The following OXGR1 variants were observed in gnomAD, a reference collection of about 807,000 sequenced individuals.
OXGR1 encodes 2-oxoglutarate receptor 1.
In OXGR1, 10 loss-of-function variants were observed where a neutral mutation model predicts 10.0. That is an observed-to-expected ratio of 1.00 (90% CI 0.62 to 1.70). The LOEUF (loss-of-function observed/expected upper bound fraction) is 1.70. Among genes scored for constraint, OXGR1 ranks in the 40% most tolerant of loss-of-function variants. The pLI, the probability that OXGR1 is intolerant of heterozygous loss-of-function variation, is 0.00. For missense variants in OXGR1, 398 were observed against 407.6 expected (o/e 0.98, Z 0.20); for synonymous variants, 191 against 155.9 (o/e 1.22, Z -1.68).
At chr13:96,990,495 A>G (rs1881994688) in intron 2 of OXGR1, among the ~76,000 whole-genome samples, 1 of 152,182 alleles carries the variant, frequency 6.6e-6, no homozygotes. Context: ...TTGAAAGAAA[A>G]ACACAAGTCA....
intron 3 of OXGR1, among the ~76,000 whole-genome samples, chr13:96,988,830 G>A (rs1427801056): frequency 6.6e-6 from 1 of 152,148 alleles, no homozygotes. Context: ...AGTACATCTA[G>A]AAGAAGAGTT....
chr13:96,993,419 A>C (rs1326890043), intron 1 of OXGR1, among the ~76,000 whole-genome samples: 3 of 151,942 alleles, frequency 2.0e-5, no homozygotes, highest in Non-Finnish European at 4.4e-5. Flanking sequence ...GGGTTTCACC[A>C]GCCTGTTGGC....
At chr13:96,988,382 C>T (rs1881889360) in intron 3 of OXGR1, among the ~76,000 whole-genome samples, 1 of 152,200 alleles carries the variant, frequency 6.6e-6, no homozygotes, top group South Asian at 2.1e-4. Context: ...CTCAGTGCTG[C>T]CTCTCAATCT....
chr13:96,990,449 G>A (rs957550331), intron 2 of OXGR1, among the ~76,000 whole-genome samples: 1 of 152,132 alleles, frequency 6.6e-6, no homozygotes, highest in Non-Finnish European at 1.5e-5. Flanking sequence ...GAGAAGGGGA[G>A]GGAATTCAAG....
chr13:96,988,794 T>G (rs2138895107), intron 3 of OXGR1, among the ~76,000 whole-genome samples: 1 of 152,336 alleles, frequency 6.6e-6, no homozygotes, highest in Non-Finnish European at 1.5e-5. Context: ...TTAAAAATTT[T>G]GACGGTGAAT....
chr13:96,986,658 G>C lies in OXGR1; in HGVS notation c.*88C>G. 1 of 1,355,462 alleles carries C rather than the reference G, an allele frequency of 7.4e-7. No individual in the cohort carries two copies. Among genetic ancestry groups the C allele is most frequent in the Non-Finnish European group, 1.0e-6 (1 of 997,084 alleles). 84.0% of individuals were successfully genotyped at this position (1,355,462 alleles called of 1,614,324 possible). ...CTTGAATACACAGTATTTACCAGGAGTTCCATTGAGGGAGACATCCTGAAC... is the reference window on the plus strand; with the variant it reads ...CTTGAATACACAGTATTTACCAGGACTTCCATTGAGGGAGACATCCTGAAC... On this transcript the variant is annotated 3_prime_UTR_variant, in exon 4 of 4. Transcript: ENST00000541038.
At chr13:96,990,375 A>G (rs1402292930) in intron 2 of OXGR1, among the ~76,000 whole-genome samples, 1 of 152,172 alleles carries the variant, frequency 6.6e-6, no homozygotes, top group Non-Finnish European at 1.5e-5. Flanking sequence ...AGTAACGCCC[A>G]AAATAATTCT....
Position 96,987,629 on chromosome 13 carries a change from A to G in OXGR1, c.131T>C (p.Phe44Ser). The change falls in exon 4 of 4, where the codon TTC becomes TCC. Residue 44 changes from phenylalanine (F) to serine (S), a missense_variant. By Grantham distance (155) the Phe-to-Ser change is radical (BLOSUM62 -2). Transcript: ENST00000541038. ...TGCATTGCCTGGAAATCCCACGAGG[A>G]AGATAATGCCATAAATAACAGGGAG... Reference protein sequence around the residue: ...HYLPVIYGIIFLVGFPGNAVV... With the variant: ...HYLPVIYGIISLVGFPGNAVV... 2 of 1,614,188 alleles carry G rather than the reference A, an allele frequency of 1.2e-6. No individual in the cohort carries two copies. Among genetic ancestry groups the G allele is most frequent in the Non-Finnish European group, 1.7e-6 (2 of 1,180,018 alleles).
At position 96,986,767 on chromosome 13, in the gene OXGR1, A is replaced by G. The variant is rs9584456; in HGVS notation, c.993T>C (p.Ile331=). Residue 331 remains isoleucine (I), a synonymous_variant, in exon 4 of 4, where the codon ATT becomes ATC. Transcript: ENST00000541038. ...TATTTCAAGGGTTGTTTGAGTAACT[A>G]ATTTTCTTTGCTTGCTCAAGGTTCC... ...VSGNLEQAKK[I]SYSNNP is the part of the protein sequence containing the mutation. 0.019 allele frequency: 30,761 copies of G among 1,607,490 alleles called. 1,430 individuals carry two copies. The highest frequency in any genetic ancestry group is 0.18 in the African/African-American group (13,596 of 74,662).
rs1284747528 is a variant in OXGR1 at position 96,990,708 on chromosome 13, C to A, written c.-126-899G>T. On this transcript the variant is annotated intron_variant, in intron 2 of 3. Coordinates refer to ENST00000541038, the MANE Select transcript of OXGR1 (RefSeq NM_001346194.2). ...CCTGTAACCTCAGCACTTTGGGAGG[C>A]TGAGGCAGGCGGATCGCCCAAGGTC... Among the ~76,000 whole-genome samples the A allele has an allele frequency of 2.6e-5, 4 of 152,122 alleles. No homozygotes were observed. In the East Asian group the frequency reaches 7.7e-4, roughly 29 times the overall value.
chr13:96,990,994 A>G (rs1882029086), intron 2 of OXGR1, among the ~76,000 whole-genome samples: 1 of 150,068 alleles, frequency 6.7e-6, no homozygotes, highest in African/African-American at 2.4e-5. Context: ...CTTTTAAAGT[A>G]GGAAGCAAAA....
chr13:96,987,451 A>G lies in OXGR1; in HGVS notation c.309T>C (p.Asp103=), dbSNP rs760230945. The G allele has an allele frequency of 6.2e-6, 10 of 1,614,132 alleles. No individual in the cohort carries two copies. The highest frequency in any genetic ancestry group is 5.0e-5 in the Admixed American group (3 of 60,018). The part of the protein sequence containing the change: ...YASGENWIFG[D]FMCKFIRFSF... ...TGAAGCGGATAAACTTACACATGAA[A>G]TCTCCAAAGATCCAGTTTTCGCCAC... The change falls in exon 4 of 4, where the codon GAT becomes GAC. Residue 103 remains aspartate (D), a synonymous_variant. Transcript: ENST00000541038.
rs574554666 is a variant in OXGR1, at chr13:96,987,386, G to A, written c.374C>T (p.Thr125Ile). 8 of 1,614,210 alleles carry A rather than the reference G, an allele frequency of 5.0e-6. 1 individual carries two copies. In the South Asian group the frequency reaches 7.7e-5, roughly 16 times the overall value. Residue 125 changes from threonine to isoleucine, a missense_variant, in exon 4 of 4, where the codon ACC (threonine) becomes ATC (isoleucine). Coordinates refer to ENST00000541038, the MANE Select transcript of OXGR1 (RefSeq NM_001346194.2). ...ACAGTAGCGGAAGATGCTGAAACAG[G>A]TGAGGAAGAGGATGCTGCTATACAG... Reference protein sequence around the residue: ...FNLYSSILFLTCFSIFRYCVI... With the variant: ...FNLYSSILFLICFSIFRYCVI...
intron 3 of OXGR1, among the ~76,000 whole-genome samples, chr13:96,988,409 CG>C (rs1334737008): frequency 6.6e-6 from 1 of 152,070 alleles, no homozygotes; most frequent in African/African-American, 2.4e-5. Flanking sequence ...TGTTGATTTT[CG>C]TCATGATTGC....
Position 96,987,169 on chromosome 13 carries a change from C to A in OXGR1, c.591G>T (p.Trp197Cys), listed in dbSNP as rs1881795893. The A allele has an allele frequency of 6.2e-7, 1 of 1,614,098 alleles. No homozygotes were observed. The highest frequency in any genetic ancestry group is 1.3e-5 in the African/African-American group (1 of 75,030). Residue 197 changes from tryptophan to cysteine, a missense_variant, in exon 4 of 4, where the codon TGG (tryptophan) becomes TGT (cysteine). Transcript: ENST00000541038. ...TAGTTGCAGTCAAAATCAGGTTGTA[C>A]CACTTAATAGTATTGAGTTCATCCG... ...TSSDELNTIK[W>C]YNLILTATTF... is the part of the protein sequence containing the mutation.
At chr13:96,991,244 C>A (rs887901929) in intron 2 of OXGR1, among the ~76,000 whole-genome samples, 1 of 152,156 alleles carries the variant, frequency 6.6e-6, no homozygotes, top group Non-Finnish European at 1.5e-5. Context: ...TTACAAAATA[C>A]GTGTGATGTT....
rs771370436 is a variant in OXGR1 at position 96,987,753 on chromosome 13, C to T, written c.7G>A (p.Glu3Lys). The change falls in exon 4 of 4, where the codon GAG becomes AAG. Residue 3 changes from glutamate to lysine, a missense_variant. Physicochemically the swap from Glu to Lys is moderately conservative, Grantham distance 56 (BLOSUM62 1). Coordinates refer to ENST00000541038, the MANE Select transcript of OXGR1 (RefSeq NM_001346194.2). ...GCATTTGCTAAATAGTCTAGTGGCTCATTCATGGTTGTCTCCTTTCATCTT... is the reference window on the plus strand; with the variant it reads ...GCATTTGCTAAATAGTCTAGTGGCTTATTCATGGTTGTCTCCTTTCATCTT... MNEPLDYLANASD... is the reference protein window; with the variant it reads MNKPLDYLANASD... 2.5e-6 allele frequency: 4 copies of T among 1,573,206 alleles called. No individual in the cohort carries two copies. Among genetic ancestry groups the T allele is most frequent in the East Asian group, 2.2e-5 (1 of 44,488 alleles).
At chr13:96,993,392 G>A (rs117324776) in intron 1 of OXGR1, among the ~76,000 whole-genome samples, 2 of 152,072 alleles carry the variant, frequency 1.3e-5, no homozygotes, top group East Asian at 3.9e-4. Context: ...CTAATTTTTT[G>A]TATTTGTATA....
At chr13:96,994,128 GAGA>G (rs773790951) in intron 1 of OXGR1, among the ~76,000 whole-genome samples, 167 bp downstream of exon 1, 3 of 152,338 alleles carry the variant, frequency 2.0e-5, no homozygotes. Flanking sequence ...GCTGCCTCCA[GAGA>G]AGAAGGGGGC....
Sources: gnomAD v4.1 joint callset for allele counts (sites outside exome capture counted in the v4.1 genomes callset) on GRCh38, gnomAD v4.1.1 for gene constraint, MANE v1.5 for transcripts, NCBI Gene and HGNC (gene_info 2026-07-23, HGNC 2026-07-21) for gene names.